SPIDR: variants seen among roughly 807,000 people sequenced by gnomAD.
The protein encoded by SPIDR is scaffold protein involved in DNA repair, also known as DNA repair-scaffolding protein.
Under a neutral mutation model 104.6 loss-of-function variants are expected in SPIDR, and 93 were observed. That is an observed-to-expected ratio of 0.89 (90% confidence interval 0.75 to 1.06). SPIDR has a LOEUF of 1.06. Ranked by LOEUF, SPIDR falls within the 50% of genes least tolerant of loss-of-function variation. SPIDR has a pLI of 0.00. For synonymous variants in SPIDR, 431 were observed against 416.9 expected (o/e 1.03, Z -0.41); for missense variants, 1,154 against 1,111.2 (o/e 1.04, Z -0.55).
At chr8:47,291,268 T>C (rs2039852123) in intron 4 of SPIDR, 131 bp downstream of exon 4, 2 of 543,370 alleles carry the variant, frequency 3.7e-6, no homozygotes, top group South Asian at 7.4e-5. Flanking sequence ...GATTTAATAT[T>C]GGAAGAAACT....
intron 8 of SPIDR, among the ~76,000 whole-genome samples, chr8:47,481,014 C>T (rs908622023): frequency 5.9e-5 from 9 of 152,176 alleles, no homozygotes; most frequent in African/African-American, 1.9e-4. Flanking sequence ...AGCCAGCTGC[C>T]ATGATGAGAT....
intron 8 of SPIDR, among the ~76,000 whole-genome samples, chr8:47,589,243 G>A (rs1365268854): frequency 1.3e-5 from 2 of 151,882 alleles, no homozygotes; most frequent in Non-Finnish European, 2.9e-5. Flanking sequence ...AAATTTGGCC[G>A]GGCATGGTGG....
chr8:47,336,360 A>G (rs1315162230), intron 5 of SPIDR, among the ~76,000 whole-genome samples: 1 of 152,228 alleles, frequency 6.6e-6, no homozygotes, highest in East Asian at 1.9e-4. Flanking sequence ...GCCGCACAGA[A>G]AGCCAGTGAC....
chr8:47,364,223 T>G (rs1554632773), intron 5 of SPIDR, among the ~76,000 whole-genome samples: 2 of 152,232 alleles, frequency 1.3e-5, no homozygotes, highest in Non-Finnish European at 2.9e-5. Context: ...GACCTCAGCC[T>G]CTTCTAGACT....
intron 8 of SPIDR, among the ~76,000 whole-genome samples, chr8:47,569,554 C>G (rs1410326477): frequency 6.6e-6 from 1 of 152,152 alleles, no homozygotes; most frequent in African/African-American, 2.4e-5. Flanking sequence ...TCAGGTCTTA[C>G]AGAGTATATT....
chr8:47,486,715 A>G (rs1405097795), intron 8 of SPIDR, among the ~76,000 whole-genome samples: 1 of 152,192 alleles, frequency 6.6e-6, no homozygotes, highest in Non-Finnish European at 1.5e-5. Context: ...TAAAGAAAAG[A>G]ATTTTCAACC....
chr8:47,316,819 T>C (rs1554590047), intron 5 of SPIDR, among the ~76,000 whole-genome samples: 1 of 152,230 alleles, frequency 6.6e-6, no homozygotes, highest in Admixed American at 6.5e-5. Flanking sequence ...TGGTGTGTCT[T>C]TTATTGTATA....
intron 8 of SPIDR, among the ~76,000 whole-genome samples, chr8:47,445,620 C>T (rs1183244762): frequency 3.9e-5 from 6 of 152,190 alleles, no homozygotes; most frequent in Non-Finnish European, 8.8e-5. Flanking sequence ...TGTCAAAAGG[C>T]AAGGTAGGCT....
At chr8:47,696,570 T>G (rs1434381030) in intron 11 of SPIDR, among the ~76,000 whole-genome samples, 4 of 152,212 alleles carry the variant, frequency 2.6e-5, no homozygotes, top group Non-Finnish European at 5.9e-5. Context: ...GAGAGCACTT[T>G]GTAACACAAA....
At chr8:47,607,981 CATTT>C (rs926492206) in intron 10 of SPIDR, among the ~76,000 whole-genome samples, 2 of 151,864 alleles carry the variant, frequency 1.3e-5, no homozygotes, top group African/African-American at 4.9e-5. Context: ...CCATAAAATT[CATTT>C]ATTTAAAGTG....
At chr8:47,592,718 A>T (rs546711788) in intron 8 of SPIDR, 2 of 585,944 alleles carry the variant, frequency 3.4e-6, no homozygotes, top group African/African-American at 3.7e-5. Flanking sequence ...TTAATGTTTT[A>T]TCTGCATACA....
At chr8:47,640,842 T>A (rs982464022) in intron 10 of SPIDR, among the ~76,000 whole-genome samples, 1 of 10,260 alleles carries the variant, frequency 9.7e-5, no homozygotes, top group Non-Finnish European at 2.8e-4. Context: ...CACACCCAGC[T>A]TTTTTTTTTT....
chr8:47,592,001 T>C, intron 8 of SPIDR: 2 of 652,878 alleles, frequency 3.1e-6, no homozygotes, highest in Non-Finnish European at 2.7e-6. Context: ...TTTGCTAATG[T>C]GCATTTAATC....
chr8:47,697,476 C>G (rs2079504061), intron 11 of SPIDR, among the ~76,000 whole-genome samples: 1 of 152,140 alleles, frequency 6.6e-6, no homozygotes, highest in South Asian at 2.1e-4. Context: ...ACACTGGTTA[C>G]TATAATAAAA....
At chr8:47,308,738 T>C (rs2043575808) in intron 5 of SPIDR, among the ~76,000 whole-genome samples, 1 of 152,148 alleles carries the variant, frequency 6.6e-6, no homozygotes, top group African/African-American at 2.4e-5. Flanking sequence ...AGAAGTAGCA[T>C]TCAGTGATCA....
chr8:47,458,883 T>C (rs1294096771), intron 8 of SPIDR, among the ~76,000 whole-genome samples: 13 of 152,154 alleles, frequency 8.5e-5, no homozygotes, highest in Non-Finnish European at 1.8e-4. Context: ...TTATTTAAAC[T>C]GTGTCTGTTG....
chr8:47,407,491 G>A (rs939116514), intron 6 of SPIDR, among the ~76,000 whole-genome samples: 6 of 152,198 alleles, frequency 3.9e-5, no homozygotes, highest in Non-Finnish European at 8.8e-5. Flanking sequence ...GGTACCTAAC[G>A]AAGTGCTAGG....
chr8:47,704,228 T>A (rs1478020947), intron 14 of SPIDR, among the ~76,000 whole-genome samples: 1 of 152,240 alleles, frequency 6.6e-6, no homozygotes, highest in Non-Finnish European at 1.5e-5. Flanking sequence ...GAACCACATT[T>A]AGCTCTTTAT....
chr8:47,437,453 A>G (rs1485527427), intron 7 of SPIDR, among the ~76,000 whole-genome samples: 1 of 151,874 alleles, frequency 6.6e-6, no homozygotes, highest in Non-Finnish European at 1.5e-5. Context: ...ATAGTATTCC[A>G]TGGTGTATAT....
Sources: gnomAD v4.1 joint callset for allele counts (sites outside exome capture counted in the v4.1 genomes callset) on GRCh38, gnomAD v4.1.1 for gene constraint, MANE v1.5 for transcripts, NCBI Gene and HGNC (gene_info 2026-07-23, HGNC 2026-07-21) for gene names.